NREP: variants seen among roughly 807,000 people sequenced by gnomAD.
NREP encodes neuronal regeneration-related protein.
Under a neutral mutation model 8.6 loss-of-function variants are expected in NREP, and 5 were observed. The ratio of observed to expected loss-of-function variants is 0.58; its 90% CI spans 0.30 to 1.22. The LOEUF (loss-of-function observed/expected upper bound fraction) is 1.22, where lower values mean the gene tolerates loss of function less well. Ranked by LOEUF, NREP falls within the 50% of genes most tolerant of loss-of-function variation. The pLI, the probability that NREP is intolerant of heterozygous loss-of-function variation, is 0.07. For synonymous variants in NREP, 27 were observed against 28.0 expected (o/e 0.96, Z 0.11); for missense variants, 86 against 82.5 (o/e 1.04, Z -0.17).
chr5:111,735,481 C>G lies in NREP; in HGVS notation c.30G>C (p.Trp10Cys), dbSNP rs1158721467. ...TGTTTGGAAATGGTTCTTGACTGAC[C>G]CAGACAAAGAGTTCTGGGTAATAAA... is the stretch of plus-strand genomic sequence containing the variant. The part of the protein sequence containing the change: MVYYPELFV[W>C]VSQEPFPNKD... Residue 10 changes from tryptophan (W) to cysteine (C), a missense_variant, in exon 3 of 4, where the codon TGG (tryptophan) becomes TGC (cysteine). Coordinates refer to ENST00000257435, the MANE Select transcript of NREP (RefSeq NM_004772.4). 14 of 1,612,838 alleles carry G rather than the reference C, an allele frequency of 8.7e-6. No individual in the cohort carries two copies. Among genetic ancestry groups the G allele is most frequent in the Non-Finnish European group, 1.2e-5 (14 of 1,179,350 alleles).
At chr5:111,793,808 C>T (rs1353955654) in intron 2 of NREP, among the ~76,000 whole-genome samples, 2 of 152,102 alleles carry the variant, frequency 1.3e-5, no homozygotes, top group African/African-American at 2.4e-5. Flanking sequence ...TCTGTAATTC[C>T]AGCACTTTGG....
At chr5:111,922,039 T>C (rs1268910591) in intron 2 of NREP, among the ~76,000 whole-genome samples, 1 of 152,158 alleles carries the variant, frequency 6.6e-6, no homozygotes, top group Admixed American at 6.6e-5. Context: ...GGTATGTCTT[T>C]ACCAGCAGTG....
At chr5:111,847,178 T>A (rs1341485560) in intron 2 of NREP, among the ~76,000 whole-genome samples, 1 of 152,250 alleles carries the variant, frequency 6.6e-6, no homozygotes, top group East Asian at 1.9e-4. Flanking sequence ...GACTGGGTTG[T>A]TTAAACAGCA....
intron 2 of NREP, among the ~76,000 whole-genome samples, chr5:111,898,574 A>G (rs1171369253): frequency 1.3e-5 from 2 of 152,184 alleles, no homozygotes; most frequent in Admixed American, 1.3e-4. Flanking sequence ...AGTTTAGACC[A>G]GAGACAGGAA....
intron 2 of NREP, among the ~76,000 whole-genome samples, chr5:111,810,884 T>C (rs1180145436): frequency 6.6e-6 from 1 of 152,212 alleles, no homozygotes; most frequent in Non-Finnish European, 1.5e-5. Flanking sequence ...AGTAAAGTAA[T>C]TCTTTCAAGT....
Position 111,757,125 on chromosome 5 carries a change from C to T in NREP, c.-59+11G>A. On this transcript the variant is annotated intron_variant, in intron 1 of 3. Coordinates refer to ENST00000257435, the MANE Select transcript of NREP (RefSeq NM_004772.4). ...CGCTCCCAGCCGGGGATAGGAATGGCATATACTTACAGACAAAAGCCCCGC... is the reference window on the plus strand; with the variant it reads ...CGCTCCCAGCCGGGGATAGGAATGGTATATACTTACAGACAAAAGCCCCGC... 1 of 854,766 alleles carries T rather than the reference C, an allele frequency of 1.2e-6. No individual in the cohort carries two copies. The allele number at this position is 854,766 out of a possible 1,614,324, so 52.9% of individuals were successfully genotyped here. A position where few individuals can be genotyped will look rare whatever the true frequency, so the allele number is the denominator to read the frequency against.
chr5:111,838,757 CAT>C (rs1456692707), intron 2 of NREP, among the ~76,000 whole-genome samples: 1 of 151,778 alleles, frequency 6.6e-6, no homozygotes, highest in Non-Finnish European at 1.5e-5. Context: ...ATAAGACATA[CAT>C]ATAATGATAT....
chr5:111,866,873 T>C (rs1434332718), intron 2 of NREP, among the ~76,000 whole-genome samples: 109 of 151,998 alleles, frequency 7.2e-4, no homozygotes, highest in African/African-American at 2.5e-3. Context: ...GAAACCATCA[T>C]TCTCAGCAAA....
intron 2 of NREP, among the ~76,000 whole-genome samples, chr5:111,887,537 T>C (rs762211435): frequency 2.0e-5 from 3 of 152,174 alleles, no homozygotes; most frequent in Non-Finnish European, 4.4e-5. Flanking sequence ...GGGCCTGCTA[T>C]GGGACAGATG....
chr5:111,904,593 A>G (rs1232380583), intron 2 of NREP, among the ~76,000 whole-genome samples: 1 of 151,928 alleles, frequency 6.6e-6, no homozygotes, highest in Non-Finnish European at 1.5e-5. Flanking sequence ...TGATAGTTCA[A>G]TTTTCTTTTT....
chr5:111,931,108 C>G (rs1755524646), intron 2 of NREP, among the ~76,000 whole-genome samples: 1 of 151,874 alleles, frequency 6.6e-6, no homozygotes, highest in African/African-American at 2.4e-5. Flanking sequence ...CTTATCTTGC[C>G]CCTTCTTCTT....
chr5:111,742,433 T>A (rs1027827211), intron 2 of NREP, among the ~76,000 whole-genome samples: 2 of 152,092 alleles, frequency 1.3e-5, no homozygotes, highest in African/African-American at 4.8e-5. Flanking sequence ...GGCAACAAAA[T>A]GAAAGTGTTT....
upstream of NREP, among the ~76,000 whole-genome samples, chr5:111,762,290 G>C (rs1261399050): frequency 1.3e-5 from 2 of 152,126 alleles, no homozygotes; most frequent in African/African-American, 4.8e-5. Flanking sequence ...AAGTGTCTAT[G>C]GGAGGATCAG....
chr5:111,961,236 T>C (rs566623941), intron 2 of NREP, among the ~76,000 whole-genome samples: 1 of 152,310 alleles, frequency 6.6e-6, no homozygotes, highest in South Asian at 2.1e-4. Flanking sequence ...ATGGATTATT[T>C]GTAAGCGGGA....
At chr5:111,879,999 T>C (rs923474420) in intron 2 of NREP, among the ~76,000 whole-genome samples, 11 of 152,198 alleles carry the variant, frequency 7.2e-5, no homozygotes, top group African/African-American at 2.4e-4. Flanking sequence ...TTTGGGGAGA[T>C]ATAAACATTC....
At chr5:111,964,855 CAAAAAAAAAAAAAAAA>C (rs58877839) in intron 2 of NREP, among the ~76,000 whole-genome samples, 144 of 44,846 alleles carry the variant, frequency 3.2e-3, no homozygotes, top group South Asian at 0.016. Context: ...CTTTCAGCAG[CAAAAAAAAAAAAAAAA>C]AAAAAAAAAA....
rs560282457 is a variant in NREP at position 111,973,281 on chromosome 5, G to C, written c.135+1993C>G. Among the ~76,000 whole-genome samples, 8 of 151,908 alleles carry C rather than the reference G, an allele frequency of 5.3e-5. 1 individual carries two copies. The highest frequency in any genetic ancestry group is 4.6e-4 in the Admixed American group (7 of 15,260). On this transcript the variant is annotated intron_variant, in intron 2 of 3. Coordinates refer to the NREP transcript ENST00000395634. ...ACCCCCTTTTAAAAAAAAAATGGTT[G>C]TAATTTGTTTTTCTTATTAAGATGA... is the stretch of plus-strand genomic sequence containing the variant.
chr5:111,840,505 G>T (rs11750123), intron 2 of NREP, among the ~76,000 whole-genome samples: 10,062 of 152,086 alleles, frequency 0.066, 365 homozygotes, highest in African/African-American at 0.087. Context: ...TCTCATTAGA[G>T]ACTGTAGTTA....
chr5:111,841,205 T>C (rs1753022972), intron 2 of NREP, among the ~76,000 whole-genome samples: 2 of 152,132 alleles, frequency 1.3e-5, no homozygotes, highest in South Asian at 2.1e-4. Flanking sequence ...TGAAGAACTA[T>C]ATAAAACATG....
Sources: gnomAD v4.1 joint callset for allele counts (sites outside exome capture counted in the v4.1 genomes callset) on GRCh38, gnomAD v4.1.1 for gene constraint, MANE v1.5 for transcripts, NCBI Gene and HGNC (gene_info 2026-07-23, HGNC 2026-07-21) for gene names.